The following CNTLN variants were observed in gnomAD, a reference collection of about 807,000 sequenced individuals.
CNTLN encodes the protein centlein, centrosomal protein.
In CNTLN, 212 loss-of-function variants were observed where a neutral mutation model predicts 180.0. The ratio of observed to expected loss-of-function variants is 1.18; its 90% CI spans 1.05 to 1.32. The LOEUF is 1.32. Among genes scored for constraint, CNTLN ranks in the 40% most tolerant of loss-of-function variants. CNTLN has a pLI of 0.00. For missense variants in CNTLN, 2,095 were observed against 1,610.9 expected (o/e 1.30, Z -5.14); for synonymous variants, 722 against 563.1 (o/e 1.28, Z -3.99).
At chr9:17,327,589 T>C (rs13293083) in intron 8 of CNTLN, among the ~76,000 whole-genome samples, 43,548 of 151,744 alleles carry the variant, frequency 0.29, 6,634 homozygotes, top group South Asian at 0.52. Flanking sequence ...TATATTTCCC[T>C]TACCTATACT....
intron 16 of CNTLN, 100 bp downstream of exon 16, chr9:17,409,573 T>C: frequency 1.2e-6 from 1 of 856,536 alleles, no homozygotes; most frequent in Non-Finnish European, 1.7e-6. Context: ...TTAATTTGAA[T>C]TCTTACAAGT....
At chr9:17,205,847 C>G (rs1822882709) in intron 2 of CNTLN, among the ~76,000 whole-genome samples, 1 of 152,150 alleles carries the variant, frequency 6.6e-6, no homozygotes, top group Admixed American at 6.6e-5. Context: ...TCTTGACGGA[C>G]TATTTAATCA....
intron 7 of CNTLN, among the ~76,000 whole-genome samples, chr9:17,307,993 C>G (rs1172453096): frequency 6.6e-6 from 1 of 151,226 alleles, no homozygotes; most frequent in Non-Finnish European, 1.5e-5. Flanking sequence ...CACACACACA[C>G]ACACACACAC....
intron 8 of CNTLN, among the ~76,000 whole-genome samples, chr9:17,314,432 C>T (rs1437138230): frequency 6.6e-6 from 1 of 152,256 alleles, no homozygotes; most frequent in South Asian, 2.1e-4. Flanking sequence ...GATTTAAATT[C>T]CAAGCCCTGC....
chr9:17,515,837 T>G, the CNTLN span, among the ~76,000 whole-genome samples: 1 of 152,166 alleles, frequency 6.6e-6, no homozygotes, highest in African/African-American at 2.4e-5. Context: ...CAGCTTTCAT[T>G]TAAAACACAT....
At chr9:17,309,353 T>C in intron 8 of CNTLN, 101 bp downstream of exon 8, 4 of 948,354 alleles carry the variant, frequency 4.2e-6, no homozygotes, top group Non-Finnish European at 6.1e-6. Flanking sequence ...TTGCATTTAT[T>C]GGAGTATAAG....
At chr9:17,474,831 G>A (rs1365537300) in intron 23 of CNTLN, among the ~76,000 whole-genome samples, 1 of 150,496 alleles carries the variant, frequency 6.6e-6, no homozygotes, top group African/African-American at 2.5e-5. Context: ...TCGCGCCACT[G>A]CACTCTAGCC....
At chr9:17,452,436 A>G (rs1224941841) in intron 18 of CNTLN, among the ~76,000 whole-genome samples, 2 of 152,228 alleles carry the variant, frequency 1.3e-5, no homozygotes, top group Non-Finnish European at 2.9e-5. Context: ...CTTCTAGATC[A>G]CATTTTACAG....
At chr9:17,466,607 G>A (rs1831764806) in intron 22 of CNTLN, 99 bp from the exon 23 acceptor site, 10 of 914,188 alleles carry the variant, frequency 1.1e-5, no homozygotes, top group Non-Finnish European at 1.1e-5. Flanking sequence ...AATACATAGA[G>A]AGAATAATAA....
chr9:17,520,402 T>A, the CNTLN span, among the ~76,000 whole-genome samples: 6 of 152,318 alleles, frequency 3.9e-5, no homozygotes, highest in Non-Finnish European at 7.4e-5. Context: ...CCTTAATAAC[T>A]TCTGCCTAAA....
Position 17,401,000 on chromosome 9 carries a change from A to G in CNTLN, c.2615+5931A>G, listed in dbSNP as rs145825901. ...GAAATTTTTATACTGCTATTTTTTA[A>G]TGACCTATACATTTCATTTGATCCT... is the stretch of plus-strand genomic sequence containing the variant. On this transcript the variant is annotated intron_variant, in intron 15 of 25. Transcript: ENST00000380647. Among the ~76,000 whole-genome samples the G allele has an allele frequency of 2.0e-3, 301 of 152,276 alleles. 1 individual carries two copies. Among genetic ancestry groups the G allele is most frequent in the African/African-American group, 6.9e-3 (287 of 41,552 alleles).
intron 24 of CNTLN, among the ~76,000 whole-genome samples, chr9:17,485,213 G>C (rs748438148): frequency 7.2e-5 from 11 of 151,744 alleles, no homozygotes; most frequent in Middle Eastern, 3.2e-3. Flanking sequence ...AATGCTAAAA[G>C]ATGGTGGCAC....
intron 18 of CNTLN, among the ~76,000 whole-genome samples, chr9:17,426,283 C>T (rs1350012810): frequency 6.6e-6 from 1 of 152,198 alleles, no homozygotes; most frequent in African/African-American, 2.4e-5. Flanking sequence ...TTGCCACTCC[C>T]ATCACGGGCC....
chr9:17,365,657 G>T (rs1823756825), intron 12 of CNTLN, among the ~76,000 whole-genome samples: 1 of 152,178 alleles, frequency 6.6e-6, no homozygotes. Flanking sequence ...GAATATCTCT[G>T]TGTTAGGATG....
At chr9:17,445,509 C>T (rs1456581254) in intron 18 of CNTLN, among the ~76,000 whole-genome samples, 1 of 152,188 alleles carries the variant, frequency 6.6e-6, no homozygotes, top group Admixed American at 6.5e-5. Context: ...CCCGTGCTCT[C>T]TGAAACATGT....
At chr9:17,443,337 G>A (rs1830217206) in intron 18 of CNTLN, among the ~76,000 whole-genome samples, 1 of 151,954 alleles carries the variant, frequency 6.6e-6, no homozygotes, top group Non-Finnish European at 1.5e-5. Flanking sequence ...AAAGATAATA[G>A]GACTCATATT....
intron 10 of CNTLN, among the ~76,000 whole-genome samples, chr9:17,338,331 A>ATTTTTTTTTTT (rs1238106698): frequency 1.1e-4 from 3 of 27,340 alleles, no homozygotes; most frequent in African/African-American, 2.0e-4. Context: ...CTCCTGGCTA[A>ATTTTTTTTTTT]TTTTTGTTTT....
At chr9:17,281,065 C>T (rs1369357573) in intron 6 of CNTLN, among the ~76,000 whole-genome samples, 1 of 152,134 alleles carries the variant, frequency 6.6e-6, no homozygotes, top group African/African-American at 2.4e-5. Context: ...TTCCTGCTCT[C>T]ACAGAGATGT....
At chr9:17,519,987 G>A in the CNTLN span, among the ~76,000 whole-genome samples, 1 of 152,178 alleles carries the variant, frequency 6.6e-6, no homozygotes, top group Non-Finnish European at 1.5e-5. Flanking sequence ...GTGCAGGAGA[G>A]GAAGAAGTAA....
Sources: gnomAD v4.1 joint callset for allele counts (sites outside exome capture counted in the v4.1 genomes callset) on GRCh38, gnomAD v4.1.1 for gene constraint, MANE v1.5 for transcripts, NCBI Gene and HGNC (gene_info 2026-07-23, HGNC 2026-07-21) for gene names.